Variants in FHIT observed in about 807,000 individuals in gnomAD.
FHIT encodes bis(5'-adenosyl)-triphosphatase.
FHIT carries 19 observed loss-of-function variants against 17.9 expected under a neutral mutation model. That is an observed-to-expected ratio of 1.06 (90% CI 0.74 to 1.56). FHIT has a LOEUF of 1.56. Among genes scored for constraint, FHIT ranks in the 40% most tolerant of loss-of-function variants. FHIT has a pLI of 0.00. For missense variants in FHIT, 248 were observed against 189.2 expected, an observed-to-expected ratio of 1.31 and a Z score of -1.82; for synonymous variants, 81 against 69.7, an observed-to-expected ratio of 1.16 and a Z score of -0.81.
rs546083588 is a variant in FHIT at position 60,561,355 on chromosome 3, G to C, written c.-17-24376C>G. 3.9e-5 allele frequency among the ~76,000 whole-genome samples: 6 copies of C among 152,114 alleles called. No homozygotes were observed. In the East Asian group the frequency reaches 1.2e-3, roughly 29 times the overall value. ...CCAAGACACACTCAACAAATTTCAG[G>C]TCATTTCTTCTCTCATTAAGCCAGT... On this transcript the variant is annotated intron_variant, in intron 4 of 9. Transcript: ENST00000492590.
At chr3:60,933,895 G>A (rs1261272260) in intron 3 of FHIT, among the ~76,000 whole-genome samples, 3 of 152,136 alleles carry the variant, frequency 2.0e-5, no homozygotes, top group African/African-American at 7.2e-5. Context: ...AGTGGCTGCT[G>A]AGCCAGCTCC....
At chr3:60,426,065 A>G (rs1424340118) in intron 5 of FHIT, among the ~76,000 whole-genome samples, 1 of 152,180 alleles carries the variant, frequency 6.6e-6, no homozygotes, top group Non-Finnish European at 1.5e-5. Flanking sequence ...GAGCATTTGT[A>G]TTAATGCAAT....
At chr3:60,882,765 A>T (rs1045031905) in intron 3 of FHIT, among the ~76,000 whole-genome samples, 15 of 152,186 alleles carry the variant, frequency 9.9e-5, no homozygotes, top group Non-Finnish European at 1.8e-4. Context: ...ATTATACTGA[A>T]CAGGGAATAG....
intron 4 of FHIT, among the ~76,000 whole-genome samples, chr3:60,796,247 G>C (rs139729157): frequency 6.6e-6 from 1 of 152,208 alleles, no homozygotes; most frequent in African/African-American, 2.4e-5. Context: ...CATATCACAA[G>C]GAGACAGTAT....
At chr3:60,919,973 G>A (rs1349228536) in intron 3 of FHIT, among the ~76,000 whole-genome samples, 1 of 151,734 alleles carries the variant, frequency 6.6e-6, no homozygotes, top group East Asian at 1.9e-4. Flanking sequence ...GACAGAGGTT[G>A]CAGTGAGCCG....
chr3:60,454,296 T>C (rs1382957840), intron 5 of FHIT, among the ~76,000 whole-genome samples: 6 of 152,042 alleles, frequency 3.9e-5, no homozygotes, highest in Admixed American at 1.3e-4. Context: ...TTCTATTAAA[T>C]AAGCAGGCTG....
chr3:60,151,405 A>C (rs1349374487), intron 5 of FHIT, among the ~76,000 whole-genome samples: 2 of 152,202 alleles, frequency 1.3e-5, no homozygotes, highest in African/African-American at 2.4e-5. Flanking sequence ...TTTCTGAGTT[A>C]CTTCCAAAGC....
chr3:60,675,201 C>G (rs1354285162), intron 4 of FHIT, among the ~76,000 whole-genome samples: 1 of 152,174 alleles, frequency 6.6e-6, no homozygotes, highest in Non-Finnish European at 1.5e-5. Flanking sequence ...GAAATGAGGT[C>G]AAGAATGATA....
chr3:60,812,205 G>A (rs1486467866), intron 4 of FHIT, among the ~76,000 whole-genome samples: 1 of 149,846 alleles, frequency 6.7e-6, no homozygotes, highest in African/African-American at 2.5e-5. Flanking sequence ...ACAGAGTCTG[G>A]CTGTTGTTGC....
intron 3 of FHIT, among the ~76,000 whole-genome samples, chr3:60,873,141 G>GAA (rs1375918430): frequency 1.4e-5 from 2 of 142,610 alleles, no homozygotes; most frequent in Non-Finnish European, 3.0e-5. Flanking sequence ...GGGAGAGGGA[G>GAA]AGAGAGAGAG....
chr3:60,523,451 A>T (rs1157989865), intron 5 of FHIT, among the ~76,000 whole-genome samples: 1 of 152,210 alleles, frequency 6.6e-6, no homozygotes, highest in Non-Finnish European at 1.5e-5. Flanking sequence ...CTTGATTATT[A>T]TAGAAATAAT....
intron 8 of FHIT, among the ~76,000 whole-genome samples, chr3:59,894,994 AT>A (rs1237871115): frequency 6.6e-6 from 1 of 152,214 alleles, no homozygotes; most frequent in African/African-American, 2.4e-5. Flanking sequence ...AGGGGCTGGA[AT>A]TAGGGCAGGG....
chr3:60,162,786 A>G (rs1700997417), intron 5 of FHIT, among the ~76,000 whole-genome samples: 1 of 152,198 alleles, frequency 6.6e-6, no homozygotes, highest in Non-Finnish European at 1.5e-5. Context: ...TAAACTTCTA[A>G]AAACACTGTT....
intron 5 of FHIT, among the ~76,000 whole-genome samples, chr3:60,202,392 G>C (rs551871798): frequency 2.0e-5 from 3 of 152,310 alleles, no homozygotes; most frequent in Non-Finnish European, 4.4e-5. Context: ...CTCCTTTCAA[G>C]TTCTCCTAGA....
intron 5 of FHIT, among the ~76,000 whole-genome samples, chr3:60,441,580 C>G (rs1289405226): frequency 6.6e-6 from 1 of 150,712 alleles, no homozygotes; most frequent in African/African-American, 2.4e-5. Flanking sequence ...GATAGAGACA[C>G]ACCTTTAGAA....
At chr3:60,449,598 C>T (rs1576673811) in intron 5 of FHIT, among the ~76,000 whole-genome samples, 2 of 152,146 alleles carry the variant, frequency 1.3e-5, no homozygotes, top group East Asian at 1.9e-4. Flanking sequence ...TAGCCTATTG[C>T]TCCTCCTAGA....
intron 5 of FHIT, among the ~76,000 whole-genome samples, chr3:60,347,689 G>GGGGT (rs1553750581): frequency 3.7e-4 from 32 of 85,358 alleles, no homozygotes; most frequent in African/African-American, 1.3e-3. Context: ...GGGGGGGGGG[G>GGGGT]TTTGTTTTTT....
chr3:59,950,463 A>G (rs1231269795), intron 7 of FHIT, among the ~76,000 whole-genome samples: 1 of 152,030 alleles, frequency 6.6e-6, no homozygotes, highest in Non-Finnish European at 1.5e-5. Context: ...TCCATGACCG[A>G]TCCTCCAATT....
intron 4 of FHIT, among the ~76,000 whole-genome samples, chr3:60,694,591 G>A (rs1459875705): frequency 1.3e-5 from 2 of 152,088 alleles, no homozygotes; most frequent in African/African-American, 4.8e-5. Context: ...TATAAATATT[G>A]CTGCTATAAA....
Sources: allele counts gnomAD v4.1 joint callset (sites outside exome capture counted in the v4.1 genomes callset), GRCh38; gene constraint gnomAD v4.1.1; transcripts MANE v1.5; gene names NCBI Gene and HGNC (gene_info 2026-07-23, HGNC 2026-07-21).